COA1: variants seen among roughly 807,000 people sequenced by gnomAD.
COA1 encodes the protein cytochrome c oxidase assembly factor 1.
A neutral mutation model predicts 16.0 loss-of-function variants in COA1; 13 were observed. The ratio of observed to expected loss-of-function variants is 0.81; its 90% CI spans 0.53 to 1.29. COA1 has a LOEUF of 1.29. COA1 is among the 50% of genes most tolerant of loss of function. The pLI is 0.00. For synonymous variants in COA1, 65 were observed against 65.7 expected (o/e 0.99, Z 0.05); for missense variants, 179 against 177.0 (o/e 1.01, Z -0.06).
In COA1 at chr7:43,692,575, A is replaced by C. The variant is rs77820024; in HGVS notation, c.-39+36854T>G. Among the ~76,000 whole-genome samples the C allele has an allele frequency of 5.6e-4, 85 of 152,278 alleles. No individual in the cohort carries two copies. In the East Asian group the frequency reaches 0.016, roughly 28 times the overall value. Reference sequence around the variant, plus strand: ...AACCACCTTCCCCAGCAGAAAGGACAGTGGACAGAAAGGGGCACAAGTGCA... The same window carrying C: ...AACCACCTTCCCCAGCAGAAAGGACCGTGGACAGAAAGGGGCACAAGTGCA... On this transcript the variant is annotated intron_variant, in intron 1 of 5. Transcript: ENST00000223336.
At chr7:43,692,639 C>T (rs993619300) in intron 1 of COA1, among the ~76,000 whole-genome samples, 3 of 152,170 alleles carry the variant, frequency 2.0e-5, no homozygotes, top group African/African-American at 7.2e-5. Context: ...TCATGATGTA[C>T]AGATGTGTAT....
intron 1 of COA1, among the ~76,000 whole-genome samples, chr7:43,679,481 CATCTA>C (rs2093674379): frequency 6.6e-6 from 1 of 152,024 alleles, no homozygotes; most frequent in East Asian, 1.9e-4. Context: ...CAACAAGGGC[CATCTA>C]ATCTGAGATT....
intron 1 of COA1, among the ~76,000 whole-genome samples, chr7:43,681,192 A>C (rs1430276373): frequency 6.6e-6 from 1 of 152,212 alleles, no homozygotes; most frequent in Non-Finnish European, 1.5e-5. Context: ...CATCGTATAT[A>C]GGATTGACTC....
chr7:43,717,401 C>T (rs925623047), intron 1 of COA1, among the ~76,000 whole-genome samples: 2 of 152,232 alleles, frequency 1.3e-5, no homozygotes, highest in Admixed American at 6.5e-5. Context: ...TAAAATTTGA[C>T]TGCCCCGCTG....
chr7:43,674,906 G>A (rs957123725), intron 1 of COA1, among the ~76,000 whole-genome samples: 1 of 152,212 alleles, frequency 6.6e-6, no homozygotes, highest in African/African-American at 2.4e-5. Flanking sequence ...TGATAGACGT[G>A]CTTGGCTGAA....
At chr7:43,693,296 T>G (rs2094433194) in intron 1 of COA1, among the ~76,000 whole-genome samples, 1 of 152,168 alleles carries the variant, frequency 6.6e-6, no homozygotes, top group Non-Finnish European at 1.5e-5. Context: ...GTGGCAGGAT[T>G]AGGATACCCC....
intron 1 of COA1, among the ~76,000 whole-genome samples, chr7:43,663,112 G>T (rs914707069): frequency 6.6e-6 from 1 of 152,198 alleles, no homozygotes; most frequent in African/African-American, 2.4e-5. Flanking sequence ...CTTCACAATA[G>T]TGAGTTCTTG....
chr7:43,692,116 A>G (rs1393757018), intron 1 of COA1, among the ~76,000 whole-genome samples: 1 of 152,202 alleles, frequency 6.6e-6, no homozygotes, highest in Non-Finnish European at 1.5e-5. Flanking sequence ...ACAGCCTGGG[A>G]ATTATCCAAC....
chr7:43,629,469 C>T (rs889186408), intron 6 of COA1, among the ~76,000 whole-genome samples: 1 of 152,172 alleles, frequency 6.6e-6, no homozygotes, highest in African/African-American at 2.4e-5. Context: ...GTGCAGAGAT[C>T]CTATATATCC....
At chr7:43,630,515 T>C (rs1012253813) in intron 6 of COA1, among the ~76,000 whole-genome samples, 5 of 152,144 alleles carry the variant, frequency 3.3e-5, no homozygotes, top group African/African-American at 2.4e-5. Context: ...GGAAGAGATA[T>C]GTTTAATCCT....
chr7:43,688,620 T>C (rs1236989800), intron 1 of COA1, among the ~76,000 whole-genome samples: 1 of 151,924 alleles, frequency 6.6e-6, no homozygotes, highest in Non-Finnish European at 1.5e-5. Context: ...AGATAGAAAG[T>C]GAATGTATCC....
intron 1 of COA1, among the ~76,000 whole-genome samples, chr7:43,696,547 C>A (rs2094532981): frequency 6.6e-6 from 1 of 151,980 alleles, no homozygotes; most frequent in African/African-American, 2.4e-5. Flanking sequence ...AAATGAATGA[C>A]CAAACTACAA....
chr7:43,655,203 A>G (rs2153127980), intron 1 of COA1, among the ~76,000 whole-genome samples: 2 of 152,232 alleles, frequency 1.3e-5, no homozygotes, highest in South Asian at 4.1e-4. Context: ...GAATCTCACT[A>G]TGGTGCCCAG....
At chr7:43,701,153 T>TG (rs1171590494) in intron 1 of COA1, among the ~76,000 whole-genome samples, 1 of 151,164 alleles carries the variant, frequency 6.6e-6, no homozygotes, top group African/African-American at 2.4e-5. Context: ...ATTTTTTACA[T>TG]GGGTATACTG....
chr7:43,615,268 C>A (rs1487354732), intron 6 of COA1, among the ~76,000 whole-genome samples: 3 of 152,160 alleles, frequency 2.0e-5, no homozygotes, highest in African/African-American at 7.2e-5. Context: ...CTCTGCCTCC[C>A]AGGCTCAAGT....
intron 6 of COA1, chr7:43,623,586 A>G: frequency 6.2e-7 from 1 of 1,609,324 alleles, no homozygotes; most frequent in Non-Finnish European, 8.5e-7. Context: ...TGAAATTCTT[A>G]GTTATGATCC....
At chr7:43,639,022 A>AGAAAT (rs1340230911), downstream of COA1, 1 of 152,320 alleles carries the variant, frequency 6.6e-6, no homozygotes, top group Admixed American at 6.5e-5. Flanking sequence ...TGTCTGAAAT[A>AGAAAT]GAAATAAATA....
At chr7:43,618,644 T>C (rs1490943299) in intron 6 of COA1, among the ~76,000 whole-genome samples, 6 of 152,256 alleles carry the variant, frequency 3.9e-5, no homozygotes, top group Non-Finnish European at 7.3e-5. Context: ...TTTAAAAATT[T>C]AATGAATTTT....
At chr7:43,698,879 A>T (rs368944738) in intron 1 of COA1, among the ~76,000 whole-genome samples, 31 of 152,192 alleles carry the variant, frequency 2.0e-4, no homozygotes, top group African/African-American at 7.5e-4. Flanking sequence ...CACCACACAA[A>T]TTATCCATCT....
Sources: allele counts gnomAD v4.1 joint callset (sites outside exome capture counted in the v4.1 genomes callset), GRCh38; gene constraint gnomAD v4.1.1; transcripts MANE v1.5; gene names NCBI Gene and HGNC (gene_info 2026-07-23, HGNC 2026-07-21).